CACTIN: variants seen among roughly 807,000 people sequenced by gnomAD.
CACTIN encodes the protein splicing factor Cactin.
In CACTIN, 20 loss-of-function variants were observed where a neutral mutation model predicts 84.9. That is an observed-to-expected ratio of 0.24 (90% CI 0.17 to 0.34). CACTIN has a LOEUF of 0.34. Ranked by LOEUF, CACTIN falls within the 10% of genes least tolerant of loss-of-function variation. CACTIN has a pLI of 1.00. For synonymous variants in CACTIN, 549 were observed against 467.9 expected, an observed-to-expected ratio of 1.17 and a Z score of -2.24; for missense variants, 897 against 1,117.2, an observed-to-expected ratio of 0.80 and a Z score of 2.81.
intron 1 of CACTIN, 106 bp downstream of exon 1, chr19:3,626,490 C>G: frequency 8.5e-7 from 1 of 1,177,982 alleles, no homozygotes; most frequent in Non-Finnish European, 1.1e-6. Context: ...GGAAGCCCTC[C>G]CCGAGTAAGT....
intron 7 of CACTIN, chr19:3,613,965 A>G (rs909337814): frequency 5.9e-5 from 24 of 409,576 alleles, no homozygotes; most frequent in Non-Finnish European, 1.0e-4. Flanking sequence ...AGCGGTGCCA[A>G]AAACACTCCA....
rs1221501968 is a variant in CACTIN at position 3,623,520 on chromosome 19, C to A, written c.642+168G>T. 2.6e-5 allele frequency among the ~76,000 whole-genome samples: 4 copies of A among 152,190 alleles called. No individual in the cohort carries two copies. The East Asian group carries it at 7.7e-4, about 29-fold the overall frequency. ...CTCCAGCCTGGGCGACAGAGCGAGA[C>A]CCTGTGTCAAAAAAGAAAGCTGATA... is the stretch of plus-strand genomic sequence containing the variant. On this transcript the variant is annotated intron_variant, in intron 2 of 9. Transcript: ENST00000429344.
Position 3,611,810 on chromosome 19 carries a change from G to A in CACTIN, c.*113C>T, listed in dbSNP as rs1279651595. On this transcript the variant is annotated 3_prime_UTR_variant, in exon 10 of 10. Transcript: ENST00000429344. ...GAAAGAAAGATGCGGCCTGAGGTGG[G>A]ACGTGAACCCGCGGCCCTGCAGCCC... 4 of 1,322,870 alleles carry A rather than the reference G, an allele frequency of 3.0e-6. No homozygotes were observed. The African/African-American group carries it at 5.8e-5, about 19-fold the overall frequency. 81.9% of individuals were successfully genotyped at this position (1,322,870 alleles called of 1,614,324 possible).
chr19:3,620,107 A>AG lies in CACTIN; in HGVS notation c.884+19dup. The AG allele has an allele frequency of 6.2e-7, 1 of 1,607,674 alleles. No homozygotes were observed. Among genetic ancestry groups the AG allele is most frequent in the Non-Finnish European group, 8.5e-7 (1 of 1,179,532 alleles). On this transcript the variant is annotated intron_variant, in intron 4 of 9. Transcript: ENST00000429344. ...CTGGCTCCAAGTCTGGGTCGGAGGG[A>AG]GGGGGAGGCCCCAGCGCACCGCAGC...
At chr19:3,618,022 A>G (rs1290956431) in intron 6 of CACTIN, among the ~76,000 whole-genome samples, 1 of 152,204 alleles carries the variant, frequency 6.6e-6, no homozygotes, top group African/African-American at 2.4e-5. Context: ...CTCGGCCACC[A>G]TGATGGCACC....
intron 6 of CACTIN, 22 bp from the exon 7 acceptor site, chr19:3,614,611 G>A (rs1172989995): frequency 1.3e-6 from 2 of 1,575,850 alleles, no homozygotes; most frequent in Non-Finnish European, 1.7e-6. Context: ...TGGGGGCATG[G>A]GGGGGCGGTT....
intron 6 of CACTIN, among the ~76,000 whole-genome samples, chr19:3,618,381 G>A (rs928548419): frequency 1.3e-5 from 2 of 152,266 alleles, no homozygotes; most frequent in South Asian, 2.1e-4. Flanking sequence ...CAGGGTAGAC[G>A]CTTTAGAGCA....
chr19:3,626,766 C>A lies in CACTIN; in HGVS notation c.-4G>T, dbSNP rs759287939. On this transcript the variant is annotated 5_prime_UTR_variant, in exon 1 of 10. Coordinates refer to ENST00000429344, the MANE Select transcript of CACTIN (RefSeq NM_001080543.2). ...GCGAGCGTGTGTCCCGACCCATCGGCTGGGCCAGTGGCCGCGGCACCAACA... is the reference window on the plus strand; with the variant it reads ...GCGAGCGTGTGTCCCGACCCATCGGATGGGCCAGTGGCCGCGGCACCAACA... 3 of 1,396,660 alleles carry A rather than the reference C, an allele frequency of 2.1e-6. No homozygotes were observed. The South Asian group carries it at 4.6e-5, about 21-fold the overall frequency. The allele number at this position is 1,396,660 out of a possible 1,614,324, so 86.5% of individuals were successfully genotyped here. A position where few individuals can be genotyped will look rare whatever the true frequency, so the allele number is the denominator to read the frequency against.
In CACTIN at chr19:3,619,213, G is replaced by C. The variant is rs992695258; in HGVS notation, c.914C>G (p.Ala305Gly). ...RSKIRIRDGR[A>G]KPIDLLAKYI... ...CTTGGCCAGCAGGTCGATGGGCTTGGCCCGCCCGTCCCGGATGCGGATCTT... is the reference window on the plus strand; with the variant it reads ...CTTGGCCAGCAGGTCGATGGGCTTGCCCCGCCCGTCCCGGATGCGGATCTT... The change falls in exon 5 of 10, where the codon GCC (alanine) becomes GGC (glycine). Residue 305 changes from alanine (A) to glycine (G), a missense_variant. This residue lies in a region of CACTIN where 304 missense variants were observed against 444.3 expected (regional missense o/e 0.68). Transcript: ENST00000429344. 8 of 1,613,466 alleles carry C rather than the reference G, an allele frequency of 5.0e-6. No homozygotes were observed. The highest frequency in any genetic ancestry group is 6.8e-6 in the Non-Finnish European group (8 of 1,179,826).
chr19:3,623,248 G>GATAGCGGCAGAAGCTTGCTTAT (rs1470303646), intron 2 of CACTIN, among the ~76,000 whole-genome samples: 14 of 151,204 alleles, frequency 9.3e-5, no homozygotes, highest in South Asian at 2.1e-4. Flanking sequence ...AAAGAAAGCT[G>GATAGCGGCAGAAGCTTGCTTAT]GCCGGGCGTG....
At chr19:3,621,091 G>C in intron 2 of CACTIN, 1 of 520,426 alleles carries the variant, frequency 1.9e-6, no homozygotes, top group Non-Finnish European at 3.5e-6. Context: ...CCCAACAGGA[G>C]GGCCTTGCTC....
Position 3,614,489 on chromosome 19 carries a change from G to C in CACTIN, c.1263C>G (p.Ile421Met), listed in dbSNP as rs757842564. 1 of 1,603,950 alleles carries C rather than the reference G, an allele frequency of 6.2e-7. No homozygotes were observed. The highest frequency in any genetic ancestry group is 8.5e-7 in the Non-Finnish European group (1 of 1,175,284). The change falls in exon 7 of 10, where the codon ATC becomes ATG. Residue 421 changes from isoleucine (I) to methionine (M), a missense_variant. Around this residue, in one of 8 missense-constraint regions of CACTIN, gnomAD observed 304 missense variants for 444.3 expected, o/e 0.68. Transcript: ENST00000429344. ...YNQLQVIFQG[I>M]EGKIRAGGPN... ...GGCCACCAGCGCGGATTTTGCCCTC[G>C]ATGCCCTGGAAGATGACCTGCAGCT... is the stretch of plus-strand genomic sequence containing the variant.
At chr19:3,620,466 C>A (rs774984661) in intron 3 of CACTIN, 194 bp from the exon 4 acceptor site, 5 of 745,996 alleles carry the variant, frequency 6.7e-6, no homozygotes, top group Non-Finnish European at 9.2e-6. Context: ...CAGCTCAGAT[C>A]AGCTGGGGCC....
chr19:3,620,908 A>G, intron 2 of CACTIN, 106 bp from the exon 3 acceptor site: 2 of 857,424 alleles, frequency 2.3e-6, no homozygotes, highest in Non-Finnish European at 3.8e-6. Context: ...TTGCAGAGAG[A>G]GGTGACCTGC....
rs1356394923 is a variant in CACTIN at position 3,618,129 on chromosome 19, T to TAACAG, written c.1162+745_1162+746insCTGTT. Among the ~76,000 whole-genome samples, 6 of 121,774 alleles carry TAACAG rather than the reference T, an allele frequency of 4.9e-5. No homozygotes were observed. In the South Asian group the frequency reaches 1.8e-3, roughly 36 times the overall value. 79.9% of individuals were successfully genotyped at this position (121,774 alleles called of 152,430 possible). ...CACTGTTACAGCAGCCGCTGGGGCGTGGATTTTGGCGGGGAGGGGGCAGGG... is the reference window on the plus strand; with the variant it reads ...CACTGTTACAGCAGCCGCTGGGGCGTAACAGGGATTTTGGCGGGGAGGGGGCAGGG... On this transcript the variant is annotated intron_variant, in intron 6 of 9. Coordinates refer to ENST00000429344, the MANE Select transcript of CACTIN (RefSeq NM_001080543.2).
chr19:3,616,075 T>G (rs1182156367), intron 6 of CACTIN: 2 of 152,054 alleles, frequency 1.3e-5, no homozygotes, highest in Non-Finnish European at 2.9e-5. Context: ...TCTGGATGCC[T>G]CCCGAATGCC....
At chr19:3,622,363 C>A (rs1162555058) in intron 2 of CACTIN, among the ~76,000 whole-genome samples, 416 of 88,010 alleles carry the variant, frequency 4.7e-3, no homozygotes, top group South Asian at 5.3e-3. Flanking sequence ...GACTCCATCT[C>A]AAAAAAAAAA....
At chr19:3,626,571 A>G (rs755159008) in intron 1 of CACTIN, 25 bp downstream of exon 1, 45 of 1,404,690 alleles carry the variant, frequency 3.2e-5, no homozygotes, top group South Asian at 1.7e-4. Flanking sequence ...CCGGATCCCC[A>G]GCGCTGCTCC....
rs1267936287 is a variant in CACTIN, at chr19:3,626,678, T to G, written c.85A>C (p.Ser29Arg). The G allele has an allele frequency of 2.6e-6, 4 of 1,526,706 alleles. No individual in the cohort carries two copies. The Admixed American group carries it at 5.8e-5, about 22-fold the overall frequency. The allele number at this position is 1,526,706 out of a possible 1,614,324, so 94.6% of individuals were successfully genotyped here. A position where few individuals can be genotyped will look rare whatever the true frequency, so the allele number is the denominator to read the frequency against. ...CGGTTTCGCCGCCCATGGCTCCTGC[T>G]CCGACTTCGGCTCCCGCTCTGACTC... ...RQSQSGSRSRSRSHGRRNRRR... is the reference protein window; with the variant it reads ...RQSQSGSRSRRRSHGRRNRRR... The change falls in exon 1 of 10, where the codon AGC (serine) becomes CGC (arginine). Residue 29 changes from serine to arginine, a missense_variant. By Grantham distance (110) the Ser-to-Arg change is moderately radical (BLOSUM62 -1). Around this residue, in one of 8 missense-constraint regions of CACTIN, gnomAD observed 261 missense variants for 243.8 expected, o/e 1.07. Transcript: ENST00000429344.
Sources: gnomAD v4.1 joint callset for allele counts (sites outside exome capture counted in the v4.1 genomes callset) on GRCh38, gnomAD v4.1.1 for gene constraint, gnomAD v4.1.1 regional missense constraint, MANE v1.5 for transcripts, NCBI Gene and HGNC (gene_info 2026-07-23, HGNC 2026-07-21) for gene names.